HCST: variants seen among roughly 807,000 people sequenced by gnomAD.
HCST encodes the protein hematopoietic cell signal transducer.
In HCST, 12 loss-of-function variants were observed where a neutral mutation model predicts 10.8. That is an observed-to-expected ratio of 1.12 (90% CI 0.72 to 1.81). The LOEUF (loss-of-function observed/expected upper bound fraction) is 1.81. Among genes scored for constraint, HCST ranks in the 40% most tolerant of loss-of-function variants. The pLI is 0.00. For missense variants in HCST, 102 were observed against 117.9 expected, an observed-to-expected ratio of 0.87 and a Z score of 0.62; for synonymous variants, 59 against 51.6, an observed-to-expected ratio of 1.14 and a Z score of -0.61.
At position 35,903,341 on chromosome 19, in the gene HCST, C is replaced by G. The variant is rs889867112; in HGVS notation, c.44-10C>G. 1 of 1,612,664 alleles carries G rather than the reference C, an allele frequency of 6.2e-7. No homozygotes were observed. Reference sequence around the variant, plus strand: ...CTCCACCCTCATCCACCTTCTTTCTCTTTCCACAGTGGCTGCAGCTCAGAC... The same window carrying G: ...CTCCACCCTCATCCACCTTCTTTCTGTTTCCACAGTGGCTGCAGCTCAGAC... On this transcript the variant is annotated splice_polypyrimidine_tract_variant and intron_variant, in intron 1 of 3. Transcript: ENST00000246551.
At chr19:35,902,781 G>A in intron 1 of HCST, 145 bp downstream of exon 1, 1 of 790,120 alleles carries the variant, frequency 1.3e-6, no homozygotes, top group Middle Eastern at 2.5e-4. Flanking sequence ...TTCAGGGCCT[G>A]GGTCCTTGGG....
In HCST at chr19:35,903,970, G is replaced by GGGCC; in HGVS notation, c.241+68_241+71dup. On this transcript the variant is annotated intron_variant, in intron 3 of 3. Coordinates refer to ENST00000246551, the MANE Select transcript of HCST (RefSeq NM_014266.4). ...CCCTAGGGAGGGGGTCCCAGGGAGGGGGCCCTTGGGGAAGCCCTGGAGGAG... is the reference window on the plus strand; with the variant it reads ...CCCTAGGGAGGGGGTCCCAGGGAGGGGGCCGGCCCTTGGGGAAGCCCTGGAGGAG... 1.9e-6 allele frequency: 3 copies of GGGCC among 1,575,748 alleles called. No homozygotes were observed. In the South Asian group the frequency reaches 3.5e-5, roughly 18 times the overall value.
intron 3 of HCST, 61 bp downstream of exon 3, chr19:35,903,964 G>C: frequency 1.3e-6 from 2 of 1,578,912 alleles, no homozygotes; most frequent in South Asian, 1.1e-5. Context: ...GGGGGTCCCA[G>C]GGAGGGGGCC....
intron 1 of HCST, chr19:35,903,082 C>A: frequency 2.1e-6 from 1 of 467,126 alleles, no homozygotes; most frequent in Non-Finnish European, 3.9e-6. Flanking sequence ...CCTTGACTTC[C>A]TGGGCTCAGG....
rs1399434365 is a variant in HCST, at chr19:35,903,758, C to T, written c.110-14C>T. On this transcript the variant is annotated splice_polypyrimidine_tract_variant and intron_variant, in intron 2 of 3. Coordinates refer to ENST00000246551, the MANE Select transcript of HCST (RefSeq NM_014266.4). ...AGCTTGAGTTGTCTCCCTGTTCCGG[C>T]CCCCACTCTCCAGGCTCTTGTTCCG... is the stretch of plus-strand genomic sequence containing the variant. 6.2e-7 allele frequency: 1 copy of T among 1,614,036 alleles called. No individual in the cohort carries two copies. Among genetic ancestry groups the T allele is most frequent in the East Asian group, 2.2e-5 (1 of 44,890 alleles).
chr19:35,903,866 G>C lies in HCST; in HGVS notation c.204G>C (p.Val68=), dbSNP rs372725986. 3.8e-5 allele frequency: 62 copies of C among 1,612,988 alleles called. No homozygotes were observed. The African/African-American group carries it at 6.1e-4, about 16-fold the overall frequency. Residue 68 remains valine (V), a synonymous_variant, in exon 3 of 4, where the codon GTG becomes GTC. Coordinates refer to ENST00000246551, the MANE Select transcript of HCST (RefSeq NM_014266.4). ...AVASLLIVGA[V]FLCARPRRSP... ...CATCGCTGCTCATCGTGGGGGCGGTGTTCCTGTGCGCACGCCCACGCCGCA... is the reference window on the plus strand; with the variant it reads ...CATCGCTGCTCATCGTGGGGGCGGTCTTCCTGTGCGCACGCCCACGCCGCA...
chr19:35,904,114 C>G lies in HCST; in HGVS notation c.242-6C>G. 1 of 1,614,008 alleles carries G rather than the reference C, an allele frequency of 6.2e-7. No homozygotes were observed. Among genetic ancestry groups the G allele is most frequent in the Non-Finnish European group, 8.5e-7 (1 of 1,179,912 alleles). ...AAGCTTCATGCTTTCTCTCCCCTAT[C>G]CCCAGAAGATGGCAAAGTCTACATC... is the stretch of plus-strand genomic sequence containing the variant. On this transcript the variant is annotated splice_polypyrimidine_tract_variant and splice_region_variant and intron_variant, in intron 3 of 3. Coordinates refer to ENST00000246551, the MANE Select transcript of HCST (RefSeq NM_014266.4).
chr19:35,903,738 G>A (rs1198277871), intron 2 of HCST, 34 bp from the exon 3 acceptor site: 1 of 1,613,842 alleles, frequency 6.2e-7, no homozygotes, highest in East Asian at 2.2e-5. Flanking sequence ...CGCAGAGCTT[G>A]AGTTGTCTCC....
chr19:35,903,417 G>A lies in HCST; in HGVS notation c.109+1G>A, dbSNP rs149774048. Reference sequence around the variant, plus strand: ...CCTGCCTTTTACCCTGGCACTTCAGGTATCACTTCCACCCCAGAAGCTTGG... The same window carrying A: ...CCTGCCTTTTACCCTGGCACTTCAGATATCACTTCCACCCCAGAAGCTTGG... On this transcript the variant is annotated splice_donor_variant, in intron 2 of 3. Transcript: ENST00000246551. LOFTEE classifies it high-confidence loss of function. 3.3e-5 allele frequency: 54 copies of A among 1,613,496 alleles called. No individual in the cohort carries two copies. Among genetic ancestry groups the A allele is most frequent in the African/African-American group, 2.4e-4 (18 of 74,978 alleles).
At chr19:35,902,683 T>C (rs1023614775) in intron 1 of HCST, 47 bp downstream of exon 1, 3 of 1,580,490 alleles carry the variant, frequency 1.9e-6, no homozygotes, top group Non-Finnish European at 2.6e-6. Context: ...GTTTGTGAGA[T>C]GGGTGCTTGG....
rs777647806 is a variant in HCST at position 35,903,889 on chromosome 19, G to T, written c.227G>T (p.Arg76Leu). 8.1e-6 allele frequency: 13 copies of T among 1,611,106 alleles called. No homozygotes were observed. Among genetic ancestry groups the T allele is most frequent in the Admixed American group, 5.0e-5 (3 of 59,792 alleles). Residue 76 changes from arginine to leucine, a missense_variant, in exon 3 of 4, where the codon CGC becomes CTC. By Grantham distance (102) the Arg-to-Leu change is moderately radical. Transcript: ENST00000246551. ...GAVFLCARPR[R>L]SPAQEDGKVY... ...GTGTTCCTGTGCGCACGCCCACGCCGCAGCCCCGCCCAAGGTGAGGGCGGA... is the reference window on the plus strand; with the variant it reads ...GTGTTCCTGTGCGCACGCCCACGCCTCAGCCCCGCCCAAGGTGAGGGCGGA...
intron 3 of HCST, 36 bp downstream of exon 3, chr19:35,903,939 T>C: frequency 6.3e-7 from 1 of 1,594,456 alleles, no homozygotes; most frequent in Non-Finnish European, 8.5e-7. Flanking sequence ...GGAAGGTGTA[T>C]AGTGTCCCTA....
At position 35,902,637 on chromosome 19, in the gene HCST, G is replaced by A. The variant is rs747026905; in HGVS notation, c.43+1G>A. 12 of 1,614,014 alleles carry A rather than the reference G, an allele frequency of 7.4e-6. No individual in the cohort carries two copies. In the African/African-American group the frequency reaches 1.6e-4, roughly 22 times the overall value. ...ATCCTCTTCCTGCTTTTGCTCCCAG[G>A]TGAAGCCAGTGGTTACAGGGGATGG... On this transcript the variant is annotated splice_donor_variant, in intron 1 of 3. Transcript: ENST00000246551. LOFTEE classifies it high-confidence loss of function.
chr19:35,903,957 G>A lies in HCST; in HGVS notation c.241+54G>A. On this transcript the variant is annotated intron_variant, in intron 3 of 3. Coordinates refer to ENST00000246551, the MANE Select transcript of HCST (RefSeq NM_014266.4). ...AGGTGTATAGTGTCCCTAGGGAGGG[G>A]GTCCCAGGGAGGGGGCCCTTGGGGA... is the stretch of plus-strand genomic sequence containing the variant. 4.4e-6 allele frequency: 7 copies of A among 1,580,796 alleles called. No homozygotes were observed. In the South Asian group the frequency reaches 4.6e-5, roughly 10 times the overall value.
chr19:35,903,684 C>T (rs772385902), intron 2 of HCST, 88 bp from the exon 3 acceptor site: 79 of 1,587,374 alleles, frequency 5.0e-5, no homozygotes, highest in Non-Finnish European at 6.6e-5. Flanking sequence ...CGCCCCCTCG[C>T]AGGGGACTTC....
rs1249390447 is a variant in HCST at position 35,903,336 on chromosome 19, T to G, written c.44-15T>G. 6.2e-7 allele frequency: 1 copy of G among 1,611,844 alleles called. No individual in the cohort carries two copies. The highest frequency in any genetic ancestry group is 1.7e-5 in the Admixed American group (1 of 59,994). On this transcript the variant is annotated splice_polypyrimidine_tract_variant and intron_variant, in intron 1 of 3. Coordinates refer to ENST00000246551, the MANE Select transcript of HCST (RefSeq NM_014266.4). ...CTTCTCTCCACCCTCATCCACCTTC[T>G]TTCTCTTTCCACAGTGGCTGCAGCT...
rs774791935 is a variant in HCST, at chr19:35,903,823, T to C, written c.161T>C (p.Val54Ala). ...SLSLPLLAGL[V>A]AADAVASLLI... ...TCTCTGCCGCTCCTGGCAGGCCTCG[T>C]GGCTGCTGATGCGGTGGCATCGCTG... Residue 54 changes from valine (V) to alanine (A), a missense_variant, in exon 3 of 4, where the codon GTG (valine) becomes GCG (alanine). By Grantham distance (64) the Val-to-Ala change is moderately conservative. Transcript: ENST00000246551. 3.7e-6 allele frequency: 6 copies of C among 1,613,954 alleles called. No individual in the cohort carries two copies. The South Asian group carries it at 6.6e-5, about 18-fold the overall frequency.
chr19:35,903,846 C>T lies in HCST; in HGVS notation c.184C>T (p.Leu62=), dbSNP rs1352484787. 5 of 1,613,728 alleles carry T rather than the reference C, an allele frequency of 3.1e-6. No individual in the cohort carries two copies. Among genetic ancestry groups the T allele is most frequent in the Non-Finnish European group, 4.2e-6 (5 of 1,179,988 alleles). Residue 62 remains leucine (L), a synonymous_variant, in exon 3 of 4, where the codon CTG becomes TTG. Coordinates refer to ENST00000246551, the MANE Select transcript of HCST (RefSeq NM_014266.4). ...GLVAADAVAS[L]LIVGAVFLCA... is the part of the protein sequence containing the mutation. Reference sequence around the variant, plus strand: ...CGTGGCTGCTGATGCGGTGGCATCGCTGCTCATCGTGGGGGCGGTGTTCCT... The same window carrying T: ...CGTGGCTGCTGATGCGGTGGCATCGTTGCTCATCGTGGGGGCGGTGTTCCT...
In HCST at chr19:35,903,468, G is replaced by T. The variant is rs765887985; in HGVS notation, c.109+52G>T. The T allele has an allele frequency of 5.2e-5, 76 of 1,461,100 alleles. 1 individual carries two copies. The highest frequency in any genetic ancestry group is 2.2e-4 in the South Asian group (19 of 88,040). 90.5% of individuals were successfully genotyped at this position (1,461,100 alleles called of 1,614,324 possible). ...CCAGAGGCTCCCAGAACACCCCAGT[G>T]GTTCTCCAGGTCACCATCCCACCTC... On this transcript the variant is annotated intron_variant, in intron 2 of 3. Coordinates refer to ENST00000246551, the MANE Select transcript of HCST (RefSeq NM_014266.4).
Sources: gnomAD v4.1 joint callset for allele counts on GRCh38, gnomAD v4.1.1 for gene constraint, MANE v1.5 for transcripts, NCBI Gene and HGNC (gene_info 2026-07-23, HGNC 2026-07-21) for gene names.